The following KAZN variants were observed in gnomAD, a reference collection of about 807,000 sequenced individuals.
The protein encoded by KAZN is kazrin.
In KAZN, 40 loss-of-function variants were observed where a neutral mutation model predicts 87.4. That is an observed-to-expected ratio of 0.46 (90% CI 0.36 to 0.60). The LOEUF is 0.60. KAZN is among the 20% of genes least tolerant of loss of function. The pLI is 0.00. For synonymous variants in KAZN, 466 were observed against 458.3 expected (o/e 1.02, Z -0.22); for missense variants, 898 against 1,073.9 (o/e 0.84, Z 2.29).
intron 1 of KAZN, among the ~76,000 whole-genome samples, chr1:14,719,846 A>G (rs911139024): frequency 6.6e-6 from 1 of 152,216 alleles, no homozygotes; most frequent in Non-Finnish European, 1.5e-5. Context: ...TTAAGAAAAC[A>G]TAATGAGAAA....
At chr1:14,157,439 T>G (rs1645617988) in intron 1 of KAZN, among the ~76,000 whole-genome samples, 1 of 152,206 alleles carries the variant, frequency 6.6e-6, no homozygotes, top group Non-Finnish European at 1.5e-5. Context: ...CCCCAGCTTT[T>G]GTTTGTCTGA....
At chr1:15,086,331 T>C (rs1640256207) in intron 8 of KAZN, among the ~76,000 whole-genome samples, 1 of 152,172 alleles carries the variant, frequency 6.6e-6, no homozygotes, top group South Asian at 2.1e-4. Flanking sequence ...AGTGGACTTC[T>C]CTATAGCAGA....
At chr1:13,983,288 C>T (rs1440912623) in intron 1 of KAZN, among the ~76,000 whole-genome samples, 1 of 152,246 alleles carries the variant, frequency 6.6e-6, no homozygotes, top group Non-Finnish European at 1.5e-5. Flanking sequence ...TGGCGGGCTG[C>T]AGGTCCCGAG....
chr1:14,433,062 C>G (rs929078745), intron 2 of KAZN, among the ~76,000 whole-genome samples: 13 of 152,084 alleles, frequency 8.5e-5, no homozygotes, highest in Admixed American at 7.9e-4. Context: ...CATAACACTC[C>G]TCCCAAAGCT....
intron 1 of KAZN, among the ~76,000 whole-genome samples, chr1:13,954,287 G>T (rs946494974): frequency 6.6e-6 from 1 of 152,226 alleles, no homozygotes; most frequent in Admixed American, 6.5e-5. Flanking sequence ...CGCATCATGT[G>T]TCTGCATTGG....
At chr1:14,876,295 T>G (rs144723145) in intron 1 of KAZN, among the ~76,000 whole-genome samples, 1 of 152,348 alleles carries the variant, frequency 6.6e-6, no homozygotes, top group African/African-American at 2.4e-5. Flanking sequence ...CTGCGTTTAT[T>G]ACATGCGCAA....
intron 1 of KAZN, among the ~76,000 whole-genome samples, chr1:13,958,945 C>G (rs1270779466): frequency 6.6e-6 from 1 of 152,112 alleles, no homozygotes; most frequent in Non-Finnish European, 1.5e-5. Flanking sequence ...CTAAGAAAAG[C>G]CAGGTGTGAA....
intron 1 of KAZN, among the ~76,000 whole-genome samples, chr1:13,953,625 G>A (rs967591369): frequency 6.6e-6 from 1 of 151,464 alleles, no homozygotes; most frequent in African/African-American, 2.4e-5. Context: ...TTTCTTCTCT[G>A]GAAGCTTTTA....
intron 1 of KAZN, among the ~76,000 whole-genome samples, chr1:14,824,070 C>T (rs1465248702): frequency 3.4e-5 from 5 of 148,216 alleles, no homozygotes; most frequent in Non-Finnish European, 7.4e-5. Flanking sequence ...GCCGAGATTG[C>T]ACCATTGCAC....
At chr1:15,011,355 A>G (rs762609928) in intron 2 of KAZN, among the ~76,000 whole-genome samples, 8 of 152,324 alleles carry the variant, frequency 5.3e-5, no homozygotes, top group Non-Finnish European at 1.2e-4. Flanking sequence ...TGCTTCCAAA[A>G]TGCTCAGGGG....
chr1:14,758,770 G>A (rs1350258824), intron 1 of KAZN, among the ~76,000 whole-genome samples: 2 of 152,200 alleles, frequency 1.3e-5, no homozygotes, highest in African/African-American at 4.8e-5. Flanking sequence ...TTGGGAAGCA[G>A]TGAGAGCGAT....
At chr1:14,935,366 C>G (rs1660328681) in intron 1 of KAZN, among the ~76,000 whole-genome samples, 1 of 152,182 alleles carries the variant, frequency 6.6e-6, no homozygotes, top group Non-Finnish European at 1.5e-5. Flanking sequence ...TTCCTAGCAT[C>G]AGGGGCCCTA....
chr1:14,138,949 G>A (rs185729648), intron 1 of KAZN, among the ~76,000 whole-genome samples: 4 of 152,300 alleles, frequency 2.6e-5, no homozygotes, highest in African/African-American at 4.8e-5. Flanking sequence ...TGCCAGGGCC[G>A]ATGGATTCAA....
At chr1:14,098,916 G>A (rs1644187546) in intron 1 of KAZN, among the ~76,000 whole-genome samples, 2 of 152,190 alleles carry the variant, frequency 1.3e-5, no homozygotes, top group South Asian at 4.1e-4. Context: ...GAATTCAGAG[G>A]CCAGGGAGGG....
intron 8 of KAZN, among the ~76,000 whole-genome samples, chr1:15,083,315 G>A (rs536368596): frequency 6.6e-6 from 1 of 152,326 alleles, no homozygotes; most frequent in South Asian, 2.1e-4. Flanking sequence ...GTAGTACATA[G>A]CAAAACCTTC....
chr1:14,823,378 T>G (rs1467129862), intron 1 of KAZN, among the ~76,000 whole-genome samples: 1 of 151,956 alleles, frequency 6.6e-6, no homozygotes, highest in Non-Finnish European at 1.5e-5. Flanking sequence ...GATACCCCAG[T>G]GTGGTATCTC....
chr1:14,271,793 C>G (rs1162159763), intron 2 of KAZN, among the ~76,000 whole-genome samples: 1 of 152,164 alleles, frequency 6.6e-6, no homozygotes, highest in Non-Finnish European at 1.5e-5. Flanking sequence ...CATTGCTGGT[C>G]CAATCAGCTA....
chr1:14,175,872 T>C (rs1361426498), intron 1 of KAZN, among the ~76,000 whole-genome samples: 1 of 152,106 alleles, frequency 6.6e-6, no homozygotes, highest in Non-Finnish European at 1.5e-5. Flanking sequence ...TAGAGGAAAA[T>C]GAGGCATAAA....
intron 8 of KAZN, among the ~76,000 whole-genome samples, chr1:15,082,366 C>T (rs1218935200): frequency 2.0e-5 from 3 of 152,194 alleles, no homozygotes; most frequent in Admixed American, 6.5e-5. Context: ...CATTTGACCC[C>T]AGGGATGCAG....
Sources: allele counts gnomAD v4.1 joint callset (sites outside exome capture counted in the v4.1 genomes callset), GRCh38; gene constraint gnomAD v4.1.1; transcripts MANE v1.5; gene names NCBI Gene and HGNC (gene_info 2026-07-23, HGNC 2026-07-21).